NPR2: variants seen among roughly 807,000 people sequenced by gnomAD.
NPR2 encodes the protein atrial natriuretic peptide receptor 2.
A neutral mutation model predicts 120.7 loss-of-function variants in NPR2; 49 were observed. That is an observed-to-expected ratio of 0.41 (90% CI 0.32 to 0.52). The LOEUF is 0.52. NPR2 is among the 20% of genes least tolerant of loss of function. The pLI, the probability that NPR2 is intolerant of heterozygous loss-of-function variation, is 0.36. For synonymous variants in NPR2, 484 were observed against 519.8 expected, an observed-to-expected ratio of 0.93 and a Z score of 0.94; for missense variants, 931 against 1,362.9, an observed-to-expected ratio of 0.68 and a Z score of 4.99.
intron 1 of NPR2, 38 bp downstream of exon 1, chr9:35,793,113 A>C: frequency 6.5e-7 from 1 of 1,547,766 alleles, no homozygotes; most frequent in Non-Finnish European, 8.7e-7. Flanking sequence ...TCATGGGAGG[A>C]GGGTCGCTGT....
At chr9:35,795,070 C>A (rs990036271) in intron 2 of NPR2, among the ~76,000 whole-genome samples, 1 of 152,168 alleles carries the variant, frequency 6.6e-6, no homozygotes, top group African/African-American at 2.4e-5. Context: ...TCAAAACTTT[C>A]AGTGACTTGT....
chr9:35,800,352 G>A lies in NPR2; in HGVS notation c.1124-37G>A, dbSNP rs1331261616. On this transcript the variant is annotated intron_variant, in intron 4 of 21. Transcript: ENST00000342694. The surrounding 1 kb of genome is among the most constrained non-coding windows in gnomAD (Gnocchi z 4.7). ...TGAGTGAGTGGGAGAGGAGCCCAGG[G>A]TAGACCTCAAAGAAAGGACACTCTT... The A allele has an allele frequency of 6.3e-7, 1 of 1,577,842 alleles. No individual in the cohort carries two copies. The highest frequency in any genetic ancestry group is 8.7e-7 in the Non-Finnish European group (1 of 1,146,974).
chr9:35,807,635 G>A (rs570730664), intron 18 of NPR2, among the ~76,000 whole-genome samples: 1 of 152,314 alleles, frequency 6.6e-6, no homozygotes, highest in South Asian at 2.1e-4. Context: ...ACCATCATGA[G>A]ATTTAGCTCC....
At position 35,807,129 on chromosome 9, in the gene NPR2, G is replaced by A; in HGVS notation, c.2626G>A (p.Glu876Lys). 5 of 1,492,046 alleles carry A rather than the reference G, an allele frequency of 3.4e-6. No individual in the cohort carries two copies. The highest frequency in any genetic ancestry group is 4.5e-6 in the Non-Finnish European group (5 of 1,106,124). The allele number at this position is 1,492,046 out of a possible 1,614,324, so 92.4% of individuals were successfully genotyped here. A position where few individuals can be genotyped will look rare whatever the true frequency, so the allele number is the denominator to read the frequency against. The stretch of plus-strand genomic sequence containing the variant: ...TGTTGGCTTCACAGCATTGTCAGCA[G>A]AGAGCACCCCCATGCAGGTGAGAGC... ...DIVGFTALSAESTPMQVVTLL... is the reference protein window; with the variant it reads ...DIVGFTALSAKSTPMQVVTLL... Residue 876 changes from glutamate (E) to lysine (K), a missense_variant, in exon 17 of 22, where the codon GAG becomes AAG. By Grantham distance (56) the Glu-to-Lys change is moderately conservative (BLOSUM62 1). This residue lies in a region of NPR2 where 184 missense variants were observed against 328.3 expected (regional missense o/e 0.56). Coordinates refer to ENST00000342694, the MANE Select transcript of NPR2 (RefSeq NM_003995.4).
Position 35,806,647 on chromosome 9 carries a change from C to A in NPR2, c.2519+109C>A. The stretch of plus-strand genomic sequence containing the variant: ...CTCCCCACCCTCAGAACCCTGCTGG[C>A]CACAGGGAGCACCCCTGCTTATAGA... On this transcript the variant is annotated intron_variant, in intron 16 of 21. Transcript: ENST00000342694. The surrounding 1 kb of genome is among the most constrained non-coding windows in gnomAD (Gnocchi z 4.6). The A allele has an allele frequency of 8.6e-7, 1 of 1,165,308 alleles. No homozygotes were observed. The highest frequency in any genetic ancestry group is 1.3e-6 in the Non-Finnish European group (1 of 777,302). The allele number at this position is 1,165,308 out of a possible 1,614,324, so 72.2% of individuals were successfully genotyped here.
Position 35,806,103 on chromosome 9 carries a change from T to A in NPR2, c.2242T>A (p.Phe748Ile). ...GGTACGAAATGGTCAGCGGCCATATTTCCGGCCAAGCATTGACCGGACCCA... is the reference window on the plus strand; with the variant it reads ...GGTACGAAATGGTCAGCGGCCATATATCCGGCCAAGCATTGACCGGACCCA... ...QKVRNGQRPY[F>I]RPSIDRTQLN... The change falls in exon 15 of 22, where the codon TTC becomes ATC. Residue 748 changes from phenylalanine to isoleucine, a missense_variant. By Grantham distance (21) the Phe-to-Ile change is conservative. Coordinates refer to ENST00000342694, the MANE Select transcript of NPR2 (RefSeq NM_003995.4). This position sits in a 1 kb window ranked among gnomAD's most constrained non-coding sequence, Gnocchi z 4.6. 3.1e-6 allele frequency: 5 copies of A among 1,614,242 alleles called. No homozygotes were observed. The highest frequency in any genetic ancestry group is 4.2e-6 in the Non-Finnish European group (5 of 1,180,038).
Position 35,809,080 on chromosome 9 carries a change from T to C in NPR2, c.2987-76T>C, listed in dbSNP as rs1377989130. 1 of 1,365,010 alleles carries C rather than the reference T, an allele frequency of 7.3e-7. No homozygotes were observed. Among genetic ancestry groups the C allele is most frequent in the East Asian group, 2.3e-5 (1 of 43,764 alleles). The allele number at this position is 1,365,010 out of a possible 1,614,324, so 84.6% of individuals were successfully genotyped here. ...GGATGGTTGGTCGGGCACGGTGCTA[T>C]ACAGTATCACCAATTATTTGATTGC... On this transcript the variant is annotated intron_variant, in intron 20 of 21. Coordinates refer to ENST00000342694, the MANE Select transcript of NPR2 (RefSeq NM_003995.4). The surrounding 1 kb of genome is among the most constrained non-coding windows in gnomAD (Gnocchi z 4.1).
Position 35,793,045 on chromosome 9 carries a change from G to A in NPR2, c.637G>A (p.Ala213Thr), listed in dbSNP as rs977025873. ...CCGAGAGCCAGGGGGCCCCGAGCAG[G>A]CCACCCACTTCATCCGGGCCAACGG... is the stretch of plus-strand genomic sequence containing the variant. The part of the protein sequence containing the change: ...YAREPGGPEQ[A>T]THFIRANGRI... Residue 213 changes from alanine (A) to threonine (T), a missense_variant, in exon 1 of 22, where the codon GCC (alanine) becomes ACC (threonine). By Grantham distance (58) the Ala-to-Thr change is moderately conservative. Transcript: ENST00000342694. The A allele has an allele frequency of 5.6e-6, 9 of 1,604,270 alleles. No individual in the cohort carries two copies. The African/African-American group carries it at 6.7e-5, about 12-fold the overall frequency.
chr9:35,794,283 C>T (rs369823556), intron 2 of NPR2, among the ~76,000 whole-genome samples, 180 bp downstream of exon 2: 4 of 152,222 alleles, frequency 2.6e-5, no homozygotes, highest in Non-Finnish European at 5.9e-5. Context: ...TTTTGTGACT[C>T]TTAGTGTGCT....
At chr9:35,804,063 A>C (rs1355034473) in intron 12 of NPR2, among the ~76,000 whole-genome samples, 2 of 152,230 alleles carry the variant, frequency 1.3e-5, no homozygotes, top group East Asian at 3.8e-4. Flanking sequence ...ATACCAAAAT[A>C]AATAAAAAGG....
In NPR2 at chr9:35,794,021, C is replaced by T; in HGVS notation, c.791C>T (p.Ala264Val). The change falls in exon 2 of 22, where the codon GCA becomes GTA. Residue 264 changes from alanine (A) to valine (V), a missense_variant. Physicochemically the swap from Ala to Val is moderately conservative, Grantham distance 64. Around this residue, in one of 3 missense-constraint regions of NPR2, gnomAD observed 681 missense variants for 974.3 expected, o/e 0.70. Coordinates refer to ENST00000342694, the MANE Select transcript of NPR2 (RefSeq NM_003995.4). ...GATGTCTTTGGGGAGAGTCTCCGTG[C>T]AGGCCCCACACGTGCTACAGGCCGG... ...YLDVFGESLR[A>V]GPTRATGRPW... 6.2e-7 allele frequency: 1 copy of T among 1,614,210 alleles called. No individual in the cohort carries two copies. The highest frequency in any genetic ancestry group is 8.5e-7 in the Non-Finnish European group (1 of 1,180,036).
rs1828117817 is a variant in NPR2, at chr9:35,800,710, C to T, written c.1220C>T (p.Pro407Leu). The T allele has an allele frequency of 3.1e-6, 5 of 1,614,026 alleles. No homozygotes were observed. The highest frequency in any genetic ancestry group is 4.2e-6 in the Non-Finnish European group (5 of 1,180,030). Residue 407 changes from proline to leucine, a missense_variant and splice_region_variant, in exon 6 of 22, where the codon CCT becomes CTT. Pro to Leu is a moderately conservative substitution (Grantham distance 98, BLOSUM62 -3). Transcript: ENST00000342694. This position sits in a 1 kb window ranked among gnomAD's most constrained non-coding sequence, Gnocchi z 4.7. ...MGDLDSGDFQPAAHYSGAEKQ... is the reference protein window; with the variant it reads ...MGDLDSGDFQLAAHYSGAEKQ... The stretch of plus-strand genomic sequence containing the variant: ...GCCCAGCTTTTTGCTTCCTTACAGC[C>T]TGCAGCCCACTACTCGGGAGCTGAG...
intron 2 of NPR2, among the ~76,000 whole-genome samples, chr9:35,798,267 A>G (rs1057189602): frequency 1.3e-5 from 2 of 152,218 alleles, no homozygotes; most frequent in Non-Finnish European, 2.9e-5. Flanking sequence ...TTGCTTGTCA[A>G]CAATATTCTA....
At position 35,802,637 on chromosome 9, in the gene NPR2, G is replaced by T. The variant is rs143628038; in HGVS notation, c.1815+30G>T. On this transcript the variant is annotated intron_variant, in intron 11 of 21. Transcript: ENST00000342694. The surrounding 1 kb of genome is among the most constrained non-coding windows in gnomAD (Gnocchi z 4.2). The stretch of plus-strand genomic sequence containing the variant: ...GGGATAGGTGTAGGAGATTATGGCA[G>T]GGGTGGGAAGGATAGACCCAAAGTT... The T allele has an allele frequency of 1.1e-5, 17 of 1,488,422 alleles. No homozygotes were observed. In the East Asian group the frequency reaches 3.8e-4, roughly 34 times the overall value. 92.2% of individuals were successfully genotyped at this position (1,488,422 alleles called of 1,614,324 possible). A position where few individuals can be genotyped will look rare whatever the true frequency, so the allele number is the denominator to read the frequency against.
At position 35,793,830 on chromosome 9, in the gene NPR2, G is replaced by C. The variant is rs1443365756; in HGVS notation, c.668-68G>C. On this transcript the variant is annotated intron_variant, in intron 1 of 21. Coordinates refer to ENST00000342694, the MANE Select transcript of NPR2 (RefSeq NM_003995.4). The stretch of plus-strand genomic sequence containing the variant: ...TGAAGAGGGACATCCCAGTGATTCA[G>C]AGAGGGGGCTGTGTGGGGGACCTGG... The C allele has an allele frequency of 3.4e-6, 5 of 1,487,002 alleles. No homozygotes were observed. In the East Asian group the frequency reaches 1.1e-4, roughly 34 times the overall value. 92.1% of individuals were successfully genotyped at this position (1,487,002 alleles called of 1,614,324 possible).
Position 35,809,629 on chromosome 9 carries a change from C to T in NPR2, c.*184C>T, listed in dbSNP as rs763183942. 6 of 1,139,986 alleles carry T rather than the reference C, an allele frequency of 5.3e-6. No homozygotes were observed. Among genetic ancestry groups the T allele is most frequent in the Non-Finnish European group, 6.6e-6 (5 of 757,106 alleles). 70.6% of individuals were successfully genotyped at this position (1,139,986 alleles called of 1,614,324 possible). ...CAGCCCTGTACATATACCTGTCCCT[C>T]TCTGGCTTGGTCCCCTTCCTCCCTA... On this transcript the variant is annotated 3_prime_UTR_variant, in exon 22 of 22. Transcript: ENST00000342694. This position sits in a 1 kb window ranked among gnomAD's most constrained non-coding sequence, Gnocchi z 4.1.
chr9:35,803,179 C>T lies in NPR2; in HGVS notation c.1887+376C>T, dbSNP rs1278720881. Among the ~76,000 whole-genome samples, 21 of 82,486 alleles carry T rather than the reference C, an allele frequency of 2.5e-4. 6 individuals are homozygous for T. Among genetic ancestry groups the T allele is most frequent in the African/African-American group, 1.5e-3 (19 of 12,502 alleles). The allele number at this position is 82,486 out of a possible 152,430, so 54.1% of individuals were successfully genotyped here. A position where few individuals can be genotyped will look rare whatever the true frequency, so the allele number is the denominator to read the frequency against. On this transcript the variant is annotated intron_variant, in intron 12 of 21. Transcript: ENST00000342694. ...AGTGCAGTGGCGGGATCTCGGCTCA[C>T]TGCAAGCTCCGCCTCCCGGGTTCAC...
chr9:35,801,508 T>C, intron 7 of NPR2, 135 bp from the exon 8 acceptor site: 1 of 943,734 alleles, frequency 1.1e-6, no homozygotes, highest in Non-Finnish European at 1.7e-6. Context: ...GAATGCAGCC[T>C]TATCTTCCAG....
At chr9:35,804,649 A>C (rs1419904039) in intron 12 of NPR2, among the ~76,000 whole-genome samples, 1 of 152,234 alleles carries the variant, frequency 6.6e-6, no homozygotes, top group Non-Finnish European at 1.5e-5. Context: ...TTCCAGGTTT[A>C]TGATGTTCTG....
Sources: gnomAD v4.1 joint callset for allele counts (sites outside exome capture counted in the v4.1 genomes callset) on GRCh38, gnomAD v4.1.1 for gene constraint, gnomAD v4.1.1 regional missense constraint, Gnocchi (gnomAD v3.1) non-coding constraint, MANE v1.5 for transcripts, NCBI Gene and HGNC (gene_info 2026-07-23, HGNC 2026-07-21) for gene names.